Variants in KAZN observed in about 807,000 individuals in gnomAD.
The protein encoded by KAZN is kazrin, periplakin interacting protein.
A neutral mutation model predicts 87.4 loss-of-function variants in KAZN; 40 were observed. The ratio of observed to expected loss-of-function variants is 0.46; its 90% confidence interval spans 0.36 to 0.60. The LOEUF (loss-of-function observed/expected upper bound fraction) is 0.60, where lower values mean the gene tolerates loss of function less well. Ranked by LOEUF, KAZN falls within the 20% of genes least tolerant of loss-of-function variation. KAZN has a pLI of 0.00. For missense variants in KAZN, 898 were observed against 1,073.9 expected, an observed-to-expected ratio of 0.84 and a Z score of 2.29; for synonymous variants, 466 against 458.3, an observed-to-expected ratio of 1.02 and a Z score of -0.22.
intron 1 of KAZN, among the ~76,000 whole-genome samples, chr1:14,954,814 G>A (rs1662888126): frequency 6.6e-6 from 1 of 152,242 alleles, no homozygotes; most frequent in Middle Eastern, 3.4e-3. Context: ...AAATTAGCTG[G>A]GCGTGGTGGC....
intron 2 of KAZN, among the ~76,000 whole-genome samples, chr1:14,966,044 A>G (rs2101807530): frequency 7.3e-6 from 1 of 136,990 alleles, no homozygotes; most frequent in South Asian, 2.2e-4. Flanking sequence ...CAGGGGCGTG[A>G]CCTCGGCTCA....
At chr1:14,621,121 A>G (rs1678664132) in intron 1 of KAZN, among the ~76,000 whole-genome samples, 1 of 152,140 alleles carries the variant, frequency 6.6e-6, no homozygotes. Flanking sequence ...GCTGGAATGG[A>G]GGCCAAATCC....
intron 1 of KAZN, among the ~76,000 whole-genome samples, chr1:14,813,546 T>C (rs1442336975): frequency 1.3e-5 from 2 of 152,202 alleles, no homozygotes; most frequent in African/African-American, 4.8e-5. Context: ...CCTCGGTTAA[T>C]GCCATGTGGA....
At chr1:14,777,898 G>A (rs1645226906) in intron 1 of KAZN, among the ~76,000 whole-genome samples, 1 of 151,752 alleles carries the variant, frequency 6.6e-6, no homozygotes, top group Non-Finnish European at 1.5e-5. Context: ...CACGGTGCTG[G>A]TGGGAGTGTC....
chr1:14,033,180 C>A (rs10754904), intron 1 of KAZN, among the ~76,000 whole-genome samples: 58,753 of 152,064 alleles, frequency 0.39, 13,136 homozygotes, highest in East Asian at 0.61. Flanking sequence ...TAAAACCAGG[C>A]AAAGCCAAAG....
At chr1:15,030,145 C>T (rs753938499) in intron 2 of KAZN, among the ~76,000 whole-genome samples, 5 of 152,188 alleles carry the variant, frequency 3.3e-5, no homozygotes, top group South Asian at 2.1e-4. Context: ...CCTAGGAGGG[C>T]GGCCAGGATC....
At chr1:14,291,121 G>A (rs960976953) in intron 2 of KAZN, among the ~76,000 whole-genome samples, 5 of 152,222 alleles carry the variant, frequency 3.3e-5, no homozygotes, top group African/African-American at 1.2e-4. Flanking sequence ...ATGCCTCCCT[G>A]TTAGGCTACA....
At position 14,328,652 on chromosome 1, in the gene KAZN, G is replaced by A. The variant is rs146570093; in HGVS notation, c.249+148060G>A. On this transcript the variant is annotated intron_variant, in intron 2 of 16. Transcript: ENST00000636203. ...CGAGACGTGGAGCTTGTAGTGAGCCGAGATTGCACCACTGTACTCCAGCCT... is the reference window on the plus strand; with the variant it reads ...CGAGACGTGGAGCTTGTAGTGAGCCAAGATTGCACCACTGTACTCCAGCCT... Among the ~76,000 whole-genome samples, 41 of 149,544 alleles carry A rather than the reference G, an allele frequency of 2.7e-4. No individual in the cohort carries two copies. The East Asian group carries it at 6.9e-3, about 25-fold the overall frequency.
chr1:14,389,618 T>C (rs1662247827), intron 2 of KAZN, among the ~76,000 whole-genome samples: 1 of 152,194 alleles, frequency 6.6e-6, no homozygotes, highest in Admixed American at 6.5e-5. Flanking sequence ...ATACTTCACA[T>C]ATTCTCACTT....
At position 14,420,443 on chromosome 1, in the gene KAZN, C is replaced by T. The variant is rs577345746; in HGVS notation, c.250-178540C>T. Among the ~76,000 whole-genome samples, 10 of 152,352 alleles carry T rather than the reference C, an allele frequency of 6.6e-5. No individual in the cohort carries two copies. In the East Asian group the frequency reaches 1.5e-3, roughly 24 times the overall value. On this transcript the variant is annotated intron_variant, in intron 2 of 16. Transcript: ENST00000636203. ...GGCTTCACCTAGTGGATTCCCCCAC[C>T]GGAGCCACGGGGGGAGCTGCCCGCA...
intron 2 of KAZN, among the ~76,000 whole-genome samples, chr1:14,357,040 G>A (rs2100965295): frequency 6.6e-6 from 1 of 152,044 alleles, no homozygotes; most frequent in African/African-American, 2.4e-5. Context: ...TCACGATATT[G>A]ATTCTTCCTA....
intron 2 of KAZN, among the ~76,000 whole-genome samples, chr1:14,408,414 G>C (rs1664042204): frequency 6.6e-6 from 1 of 152,208 alleles, no homozygotes; most frequent in Admixed American, 6.5e-5. Flanking sequence ...GAGGGGGAAA[G>C]CCAGATGTAT....
At chr1:14,845,677 C>G (rs1053987587) in intron 1 of KAZN, among the ~76,000 whole-genome samples, 4 of 152,148 alleles carry the variant, frequency 2.6e-5, no homozygotes, top group Non-Finnish European at 5.9e-5. Flanking sequence ...CCATGATACC[C>G]TGTGTTCCTT....
intron 2 of KAZN, among the ~76,000 whole-genome samples, chr1:15,017,675 G>T (rs1218556977): frequency 6.6e-6 from 1 of 152,128 alleles, no homozygotes; most frequent in Non-Finnish European, 1.5e-5. Flanking sequence ...ATGGTGGTGG[G>T]CACCTGTAAT....
chr1:14,402,701 A>G (rs1281829188), intron 2 of KAZN, among the ~76,000 whole-genome samples: 1 of 152,222 alleles, frequency 6.6e-6, no homozygotes, highest in Non-Finnish European at 1.5e-5. Flanking sequence ...AAAGAACAAA[A>G]AAGAAGAACC....
intron 2 of KAZN, among the ~76,000 whole-genome samples, chr1:14,473,809 A>G (rs2486773): frequency 1 from 151,982 of 152,208 alleles, 75,878 homozygotes; most frequent in Middle Eastern, 1. Context: ...TGTGTCTACC[A>G]CAGGGCCTTT....
intron 2 of KAZN, among the ~76,000 whole-genome samples, chr1:14,270,470 T>G (rs1331630817): frequency 6.6e-6 from 1 of 152,220 alleles, no homozygotes; most frequent in African/African-American, 2.4e-5. Flanking sequence ...ACCCATTACA[T>G]GCATTAAGTA....
intron 1 of KAZN, among the ~76,000 whole-genome samples, chr1:14,010,776 A>C (rs1435422205): frequency 6.6e-6 from 1 of 152,230 alleles, no homozygotes; most frequent in Non-Finnish European, 1.5e-5. Context: ...GATCTGAGTG[A>C]CATAAGAGAA....
upstream of KAZN, among the ~76,000 whole-genome samples, chr1:14,596,422 C>T (rs1572010794): frequency 3.3e-5 from 5 of 152,132 alleles, no homozygotes; most frequent in Admixed American, 2.0e-4. Context: ...TGTGTATTTG[C>T]ATATATGACT....
Sources: gnomAD v4.1 joint callset for allele counts (sites outside exome capture counted in the v4.1 genomes callset) on GRCh38, gnomAD v4.1.1 for gene constraint, MANE v1.5 for transcripts, NCBI Gene and HGNC (gene_info 2026-07-23, HGNC 2026-07-21) for gene names.